Variants in ERCC1 observed in about 807,000 individuals in gnomAD.
ERCC1 encodes the protein ERCC excision repair 1, endonuclease non-catalytic subunit.
A neutral mutation model predicts 37.6 loss-of-function variants in ERCC1; 36 were observed. The observed-to-expected ratio is 0.96, with a 90% confidence interval of 0.73 to 1.26. ERCC1 has a LOEUF of 1.26. Among genes scored for constraint, ERCC1 ranks in the 50% most tolerant of loss-of-function variants. ERCC1 has a pLI of 0.00. For synonymous variants in ERCC1, 156 were observed against 162.1 expected, an observed-to-expected ratio of 0.96 and a Z score of 0.28; for missense variants, 349 against 376.5, an observed-to-expected ratio of 0.93 and a Z score of 0.60.
intron 5 of ERCC1, among the ~76,000 whole-genome samples, chr19:45,417,437 G>A (rs1974132322): frequency 6.6e-6 from 1 of 152,174 alleles, no homozygotes; most frequent in Non-Finnish European, 1.5e-5. Context: ...AGGATGAGGA[G>A]GAGGAAAGGA....
At chr19:45,415,030 G>T in intron 6 of ERCC1, 70 bp from the exon 7 acceptor site, 1 of 1,254,248 alleles carries the variant, frequency 8.0e-7, no homozygotes, top group Non-Finnish European at 1.2e-6. Flanking sequence ...ATTATGGTCA[G>T]TCATAAGAAT....
chr19:45,411,357 G>C (rs1340289252), intron 9 of ERCC1, among the ~76,000 whole-genome samples: 1 of 152,032 alleles, frequency 6.6e-6, no homozygotes, highest in Non-Finnish European at 1.5e-5. Context: ...TCAGTTTTTA[G>C]AGGAGCCTCC....
chr19:45,424,028 G>T (rs1974603974), upstream of ERCC1: 2 of 1,049,228 alleles, frequency 1.9e-6, no homozygotes, highest in Non-Finnish European at 2.3e-6. Context: ...GAGAGATGTG[G>T]CCTGAGGATC....
At chr19:45,422,760 AAAAT>A (rs369407760) in intron 2 of ERCC1, among the ~76,000 whole-genome samples, 2 of 151,856 alleles carry the variant, frequency 1.3e-5, no homozygotes, top group Admixed American at 6.6e-5. Flanking sequence ...CTGTCTCAAA[AAAAT>A]AAATAAATAA....
intron 1 of ERCC1, among the ~76,000 whole-genome samples, chr19:45,438,453 T>G (rs1038317778): frequency 6.6e-6 from 1 of 151,490 alleles, no homozygotes; most frequent in African/African-American, 2.4e-5. Context: ...TTTTTATGTG[T>G]TTGTTTGTTT....
intron 1 of ERCC1, among the ~76,000 whole-genome samples, chr19:45,442,716 G>T (rs1016546736): frequency 1.3e-5 from 2 of 152,164 alleles, no homozygotes; most frequent in Non-Finnish European, 2.9e-5. Flanking sequence ...GGTGACAGGG[G>T]TGGGGAGTCA....
intron 2 of ERCC1, among the ~76,000 whole-genome samples, 169 bp downstream of exon 2, chr19:45,423,101 A>G (rs1974539030): frequency 6.6e-6 from 1 of 151,986 alleles, no homozygotes; most frequent in African/African-American, 2.4e-5. Context: ...CCACCCATCC[A>G]TTTCACAGAT....
At chr19:45,419,048 G>T in intron 5 of ERCC1, 50 bp downstream of exon 5, 2 of 1,299,660 alleles carry the variant, frequency 1.5e-6, no homozygotes, top group Non-Finnish European at 2.2e-6. Context: ...ACAGCCCACT[G>T]CACAACCTCA....
Position 45,420,533 on chromosome 19 carries a change from C to A in ERCC1, c.322-106G>T. The A allele has an allele frequency of 1.3e-6, 1 of 742,486 alleles. No homozygotes were observed. Among genetic ancestry groups the A allele is most frequent in the Non-Finnish European group, 2.4e-6 (1 of 416,192 alleles). The allele number at this position is 742,486 out of a possible 1,614,324, so 46.0% of individuals were successfully genotyped here. ...CCTCCTCCCTCCTCCCACCTCTTCC[C>A]ACACCTCCTGCCTCCTCGCACCTCT... On this transcript the variant is annotated intron_variant, in intron 3 of 9. Transcript: ENST00000300853. This position sits in a 1 kb window ranked among gnomAD's most constrained non-coding sequence, Gnocchi z 4.8.
chr19:45,431,499 GAA>G (rs1396239332), intron 1 of ERCC1, among the ~76,000 whole-genome samples: 2 of 152,116 alleles, frequency 1.3e-5, no homozygotes, highest in Non-Finnish European at 2.9e-5. Context: ...CCAACACGGA[GAA>G]ACCCATCTCT....
At chr19:45,412,307 C>T (rs564809987) in intron 9 of ERCC1, among the ~76,000 whole-genome samples, 7 of 151,842 alleles carry the variant, frequency 4.6e-5, no homozygotes, top group South Asian at 2.1e-4. Context: ...TACAAGCATG[C>T]GCCACCACAC....
intron 9 of ERCC1, among the ~76,000 whole-genome samples, chr19:45,412,479 A>G (rs934965876): frequency 6.6e-6 from 1 of 151,884 alleles, no homozygotes; most frequent in Non-Finnish European, 1.5e-5. Flanking sequence ...TTTGATTTGC[A>G]TTTTTCTGAT....
chr19:45,439,299 T>G (rs1975058293), intron 1 of ERCC1, among the ~76,000 whole-genome samples: 1 of 152,132 alleles, frequency 6.6e-6, no homozygotes, highest in Non-Finnish European at 1.5e-5. Flanking sequence ...TACATTGCGG[T>G]TCATGCTGCA....
At chr19:45,418,662 A>C (rs1027880730) in intron 5 of ERCC1, among the ~76,000 whole-genome samples, 13 of 152,020 alleles carry the variant, frequency 8.6e-5, no homozygotes, top group African/African-American at 2.7e-4. Flanking sequence ...GTCTCTACTA[A>C]AAATACAAAA....
intron 9 of ERCC1, among the ~76,000 whole-genome samples, chr19:45,411,926 G>A (rs550566180): frequency 7.0e-4 from 105 of 150,908 alleles, no homozygotes; most frequent in African/African-American, 2.3e-3. Flanking sequence ...GTATGATCTC[G>A]GCTCACTGCA....
At chr19:45,425,287 T>C (rs1157641471), upstream of ERCC1, among the ~76,000 whole-genome samples, 1 of 151,880 alleles carries the variant, frequency 6.6e-6, no homozygotes, top group Admixed American at 6.6e-5. Context: ...CGTGTTGTCC[T>C]CCCAGAGCTT....
intron 1 of ERCC1, among the ~76,000 whole-genome samples, chr19:45,445,699 A>G (rs568524672): frequency 2.9e-4 from 44 of 152,220 alleles, no homozygotes; most frequent in African/African-American, 1.1e-3. Context: ...AGGAACACGG[A>G]GGCAGCTAGT....
At position 45,414,873 on chromosome 19, in the gene ERCC1, G is replaced by C. The variant is rs1239301303; in HGVS notation, c.690C>G (p.Asp230Glu). The stretch of plus-strand genomic sequence containing the variant: ...GAGGTGGCCTCACCCGGGAGACGAA[G>C]TCCTGCTCTAGCTTCTCCATCAGGA... ...ADLLMEKLEQDFVSRVTECLT... is the reference protein window; with the variant it reads ...ADLLMEKLEQEFVSRVTECLT... The change falls in exon 7 of 10, where the codon GAC (aspartate) becomes GAG (glutamate). Residue 230 changes from aspartate to glutamate, a missense_variant. By Grantham distance (45) the Asp-to-Glu change is conservative. Transcript: ENST00000300853. 6.2e-7 allele frequency: 1 copy of C among 1,613,046 alleles called. No homozygotes were observed. The highest frequency in any genetic ancestry group is 1.7e-5 in the Admixed American group (1 of 59,994).
rs771951753 is a variant in ERCC1 at position 45,413,943 on chromosome 19, G to A, written c.774+20C>T. 1 of 1,610,552 alleles carries A rather than the reference G, an allele frequency of 6.2e-7. No homozygotes were observed. Among genetic ancestry groups the A allele is most frequent in the Non-Finnish European group, 8.5e-7 (1 of 1,176,908 alleles). ...GCAAGGGGACAGAAATGCCTATGGG[G>A]CAGGGGAGCCATTCCTTACTCCAAA... On this transcript the variant is annotated intron_variant, in intron 8 of 9. Transcript: ENST00000300853.
Sources: gnomAD v4.1 joint callset for allele counts (sites outside exome capture counted in the v4.1 genomes callset) on GRCh38, gnomAD v4.1.1 for gene constraint, Gnocchi (gnomAD v3.1) non-coding constraint, MANE v1.5 for transcripts, NCBI Gene and HGNC (gene_info 2026-07-23, HGNC 2026-07-21) for gene names.